The following TRPV3 variants were observed in gnomAD, a reference collection of about 807,000 sequenced individuals.
TRPV3 encodes the protein transient receptor potential cation channel subfamily V member 3.
In TRPV3, 88 loss-of-function variants were observed where a neutral mutation model predicts 87.1. The observed-to-expected ratio is 1.01, with a 90% CI of 0.85 to 1.21. The LOEUF (loss-of-function observed/expected upper bound fraction) is 1.21. Ranked by LOEUF, TRPV3 falls within the 50% of genes most tolerant of loss-of-function variation. The pLI, the probability that TRPV3 is intolerant of heterozygous loss-of-function variation, is 0.00. For missense variants in TRPV3, 1,054 were observed against 1,030.1 expected (o/e 1.02, Z -0.32); for synonymous variants, 438 against 423.3 (o/e 1.03, Z -0.43).
chr17:3,541,766 T>G (rs975422791), intron 6 of TRPV3, among the ~76,000 whole-genome samples: 2 of 152,268 alleles, frequency 1.3e-5, no homozygotes, highest in African/African-American at 4.8e-5. Context: ...CTTGGGGCTT[T>G]CGCCCTGATC....
At position 3,513,752 on chromosome 17, in the gene TRPV3, G is replaced by A. The variant is rs1338342815; in HGVS notation, c.*165C>T. ...TTCCCACTCAGACAAATTGACAACT[G>A]CCCCTCAGTTCAGACACCCACTGAG... On this transcript the variant is annotated 3_prime_UTR_variant, in exon 18 of 18. Transcript: ENST00000576742. 9.2e-6 allele frequency: 5 copies of A among 542,094 alleles called. No individual in the cohort carries two copies. Among genetic ancestry groups the A allele is most frequent in the Non-Finnish European group, 1.6e-5 (5 of 306,482 alleles). 33.6% of individuals were successfully genotyped at this position (542,094 alleles called of 1,614,324 possible).
At position 3,511,360 on chromosome 17, in the gene TRPV3, A is replaced by AT. The variant is rs1217539692; in HGVS notation, c.*2556dup. On this transcript the variant is annotated 3_prime_UTR_variant, in exon 18 of 18. Coordinates refer to ENST00000576742, the MANE Select transcript of TRPV3 (RefSeq NM_145068.4). ...AACTGTGCTTTTTAAAAATAAATAA[A>AT]TAATGGCTCAGGGAGACATCTGTGG... The AT allele has an allele frequency of 1.3e-5, 2 of 152,220 alleles. No individual in the cohort carries two copies. The highest frequency in any genetic ancestry group is 2.9e-5 in the Non-Finnish European group (2 of 68,060). The allele number at this position is 152,220 out of a possible 1,614,324, so 9.4% of individuals were successfully genotyped here. A position where few individuals can be genotyped will look rare whatever the true frequency, so the allele number is the denominator to read the frequency against.
At chr17:3,524,106 G>A (rs1395344603) in intron 13 of TRPV3, 92 bp downstream of exon 13, 17 of 1,517,460 alleles carry the variant, frequency 1.1e-5, no homozygotes, top group Non-Finnish European at 1.4e-5. Context: ...CTGCCCCTTG[G>A]TAAACCCCTC....
rs1336102749 is a variant in TRPV3, at chr17:3,548,858, T to G, written c.120-3587A>C. On this transcript the variant is annotated intron_variant, in intron 2 of 17. Transcript: ENST00000576742. The stretch of plus-strand genomic sequence containing the variant: ...ACTTGCCATCTCTGGGCCAGTCATC[T>G]TCACCTGAATGGATGATGGTTGGGC... Among the ~76,000 whole-genome samples, 5 of 152,336 alleles carry G rather than the reference T, an allele frequency of 3.3e-5. No homozygotes were observed. In the East Asian group the frequency reaches 9.6e-4, roughly 29 times the overall value.
intron 9 of TRPV3, 30 bp downstream of exon 9, chr17:3,529,997 T>G (rs1452164283): frequency 1.3e-6 from 2 of 1,595,360 alleles, no homozygotes; most frequent in Non-Finnish European, 8.6e-7. Context: ...CTCTTCTCCC[T>G]GCCCTTCCCC....
At chr17:3,532,585 C>G in intron 8 of TRPV3, 72 bp downstream of exon 8, 4 of 1,555,464 alleles carry the variant, frequency 2.6e-6, no homozygotes, top group Non-Finnish European at 3.5e-6. Flanking sequence ...GTAAGGCCCC[C>G]GGGGCTGAGA....
intron 14 of TRPV3, among the ~76,000 whole-genome samples, chr17:3,519,704 A>ATGGATG (rs2074223121): frequency 1.2e-5 from 1 of 86,062 alleles, no homozygotes; most frequent in African/African-American, 5.0e-5. Context: ...ATGGATGGAT[A>ATGGATG]GATGGATGGA....
At chr17:3,549,697 T>C (rs533432111) in intron 2 of TRPV3, among the ~76,000 whole-genome samples, 1 of 141,316 alleles carries the variant, frequency 7.1e-6, no homozygotes, top group Non-Finnish European at 1.6e-5. Flanking sequence ...GATGAGTGGA[T>C]GGATGATGGA....
intron 2 of TRPV3, chr17:3,553,691 T>G (rs1218512092): frequency 6.6e-6 from 1 of 152,418 alleles, no homozygotes; most frequent in Non-Finnish European, 1.5e-5. Context: ...CTCTCTGTGG[T>G]CACTTCCCAC....
chr17:3,518,407 C>T lies in TRPV3; in HGVS notation c.2085+169G>A, dbSNP rs2074203188. On this transcript the variant is annotated intron_variant, in intron 15 of 17. Coordinates refer to ENST00000576742, the MANE Select transcript of TRPV3 (RefSeq NM_145068.4). The surrounding 1 kb of genome is among the most constrained non-coding windows in gnomAD (Gnocchi z 4.3). ...GCACAGCCACACTCCCTAGACCCTA[C>T]ACTCAAAGAACCTAGGCTAAGGCCT... 1.3e-5 allele frequency among the ~76,000 whole-genome samples: 2 copies of T among 152,222 alleles called. No individual in the cohort carries two copies. Among genetic ancestry groups the T allele is most frequent in the Admixed American group, 6.5e-5 (1 of 15,280 alleles).
rs762983049 is a variant in TRPV3 at position 3,528,967 on chromosome 17, G to A, written c.1271C>T (p.Pro424Leu). ...CTTCATATGCAGCAGCGTGTGCAGC[G>A]GCTCCAGGGTCAGCATCTCATGCCG... ...DNRHEMLTLE[P>L]LHTLLHMKWK... is the part of the protein sequence containing the mutation. Residue 424 changes from proline (P) to leucine (L), a missense_variant, in exon 10 of 18, where the codon CCG becomes CTG. Pro to Leu is a moderately conservative substitution (Grantham distance 98, BLOSUM62 -3). Coordinates refer to ENST00000576742, the MANE Select transcript of TRPV3 (RefSeq NM_145068.4). This position sits in a 1 kb window ranked among gnomAD's most constrained non-coding sequence, Gnocchi z 4.2. 18 of 1,614,082 alleles carry A rather than the reference G, an allele frequency of 1.1e-5. No individual in the cohort carries two copies. Among genetic ancestry groups the A allele is most frequent in the East Asian group, 4.5e-5 (2 of 44,904 alleles).
At position 3,545,281 on chromosome 17, in the gene TRPV3, C is replaced by T. The variant is rs370856023; in HGVS notation, c.120-10G>A. The T allele has an allele frequency of 1.2e-6, 2 of 1,606,542 alleles. No individual in the cohort carries two copies. The highest frequency in any genetic ancestry group is 1.3e-5 in the African/African-American group (1 of 74,798). On this transcript the variant is annotated splice_polypyrimidine_tract_variant and intron_variant, in intron 2 of 17. Transcript: ENST00000576742. Reference sequence around the variant, plus strand: ...CAGGAAGAAGTGTGCACTGAGGGAACACGGAGGAAGCCTGTTAGGGCCGAG... The same window carrying T: ...CAGGAAGAAGTGTGCACTGAGGGAATACGGAGGAAGCCTGTTAGGGCCGAG...
At chr17:3,524,104 T>G in intron 13 of TRPV3, 94 bp downstream of exon 13, 1 of 1,507,628 alleles carries the variant, frequency 6.6e-7, no homozygotes, top group South Asian at 1.3e-5. Context: ...ACCTGCCCCT[T>G]GGTAAACCCC....
At chr17:3,554,977 T>A in intron 1 of TRPV3, 125 bp from the exon 2 acceptor site, 1 of 606,948 alleles carries the variant, frequency 1.6e-6, no homozygotes, top group South Asian at 2.0e-5. Flanking sequence ...AGCTCACTCC[T>A]CCCTTCCCAG....
intron 12 of TRPV3, among the ~76,000 whole-genome samples, chr17:3,526,330 G>C (rs2135867): frequency 6.6e-6 from 1 of 151,656 alleles, no homozygotes; most frequent in East Asian, 1.9e-4. Context: ...ATACAAAAAG[G>C]AGCCAGGTGT....
In TRPV3 at chr17:3,535,678, G is replaced by T; in HGVS notation, c.679C>A (p.Gln227Lys). The T allele has an allele frequency of 6.3e-7, 1 of 1,589,228 alleles. No homozygotes were observed. Among genetic ancestry groups the T allele is most frequent in the Non-Finnish European group, 8.5e-7 (1 of 1,170,084 alleles). Residue 227 changes from glutamine to lysine, a missense_variant, in exon 7 of 18, where the codon CAG (glutamine) becomes AAG (lysine). Transcript: ENST00000576742. ...TALNIAIERR[Q>K]GDIAALLIAA... ...ATGAGCAGGGCTGCGATGTCCCCCT[G>T]CCGCCGCTCGATGGCGATGTTCAGC...
chr17:3,517,167 C>T (rs2150779153), intron 15 of TRPV3, among the ~76,000 whole-genome samples: 1 of 151,964 alleles, frequency 6.6e-6, no homozygotes, highest in Admixed American at 6.5e-5. Flanking sequence ...TCTGAAAGCC[C>T]AGGAGCTTCC....
At position 3,514,608 on chromosome 17, in the gene TRPV3, GC is replaced by G. The variant is rs1451501785; in HGVS notation, c.2262del (p.Pro755LeufsTer2). 3 of 1,613,548 alleles carry G rather than the reference GC, an allele frequency of 1.9e-6. No homozygotes were observed. Among genetic ancestry groups the G allele is most frequent in the African/African-American group, 1.3e-5 (1 of 74,920 alleles). The stretch of plus-strand genomic sequence containing the variant: ...GCGACAGTACCTGTTCGTCTTACAG[GC>G]CCCGGGTCTTCGTTAAGGAAGGAGA... ...THVSFLNEDP[G>X]PVRRTDFNKI... On this transcript the variant is annotated frameshift_variant, in exon 17 of 18. Transcript: ENST00000576742. LOFTEE classifies it high-confidence loss of function.
At chr17:3,522,784 T>A (rs1036634187) in intron 13 of TRPV3, among the ~76,000 whole-genome samples, 12 of 139,908 alleles carry the variant, frequency 8.6e-5, no homozygotes, top group Non-Finnish European at 1.7e-4. Flanking sequence ...ACTATTGCAC[T>A]CCAGCCTGGG....
Sources: gnomAD v4.1 joint callset for allele counts (sites outside exome capture counted in the v4.1 genomes callset) on GRCh38, gnomAD v4.1.1 for gene constraint, Gnocchi (gnomAD v3.1) non-coding constraint, MANE v1.5 for transcripts, NCBI Gene and HGNC (gene_info 2026-07-23, HGNC 2026-07-21) for gene names.